The following L3MBTL4 variants were observed in gnomAD, a reference collection of about 807,000 sequenced individuals.
L3MBTL4 encodes the protein lethal(3)malignant brain tumor-like protein 4.
A neutral mutation model predicts 84.5 loss-of-function variants in L3MBTL4; 70 were observed. The ratio of observed to expected loss-of-function variants is 0.83; its 90% confidence interval spans 0.68 to 1.01. The LOEUF (loss-of-function observed/expected upper bound fraction) is 1.01. Ranked by LOEUF, L3MBTL4 falls within the 50% of genes least tolerant of loss-of-function variation. L3MBTL4 has a pLI of 0.00. For missense variants in L3MBTL4, 715 were observed against 754.8 expected (o/e 0.95, Z 0.62); for synonymous variants, 274 against 259.8 (o/e 1.05, Z -0.52).
intron 16 of L3MBTL4, among the ~76,000 whole-genome samples, chr18:5,973,363 A>C (rs566232037): frequency 3.9e-5 from 6 of 152,352 alleles, no homozygotes; most frequent in South Asian, 2.1e-4. Flanking sequence ...CAACCGTGTC[A>C]GATGCTAAAA....
In L3MBTL4 at chr18:6,414,760, G is replaced by T. The variant is rs1327949802; in HGVS notation, c.-91+41C>A. Reference sequence around the variant, plus strand: ...GGCGGCGGCCGTGGGCACCCACGCGGGCTCGCGACCATCCCACGCGGGCGG... The same window carrying T: ...GGCGGCGGCCGTGGGCACCCACGCGTGCTCGCGACCATCCCACGCGGGCGG... On this transcript the variant is annotated intron_variant, in intron 1 of 18. Transcript: ENST00000317931. This position sits in a 1 kb window ranked among gnomAD's most constrained non-coding sequence, Gnocchi z 5.4. 1.3e-5 allele frequency: 2 copies of T among 151,764 alleles called. No homozygotes were observed. Among genetic ancestry groups the T allele is most frequent in the African/African-American group, 4.8e-5 (2 of 41,368 alleles). The allele number at this position is 151,764 out of a possible 1,614,324, so 9.4% of individuals were successfully genotyped here.
At chr18:6,214,615 T>C (rs1027399445) in intron 11 of L3MBTL4, among the ~76,000 whole-genome samples, 1 of 152,222 alleles carries the variant, frequency 6.6e-6, no homozygotes, top group Non-Finnish European at 1.5e-5. Context: ...CCAGCTTTTG[T>C]AGAAACACAT....
At chr18:6,144,316 T>C (rs2042557831) in intron 13 of L3MBTL4, among the ~76,000 whole-genome samples, 1 of 150,466 alleles carries the variant, frequency 6.6e-6, no homozygotes, top group East Asian at 2.0e-4. Context: ...TTGTCTGAAA[T>C]CCCTCTCTGA....
chr18:5,956,322 T>C lies in L3MBTL4; in HGVS notation c.1743A>G (p.Lys581=). ...QTDIVKVMKI[K]LGPALKIYNS... is the part of the protein sequence containing the mutation. ...TGTAAATCTTCAGTGCTGGGCCCAG[T>C]TTGATCTTCATCACTTTGACAATGT... Residue 581 remains lysine, a synonymous_variant, in exon 19 of 19, where the codon AAA becomes AAG. Coordinates refer to ENST00000317931, the MANE Select transcript of L3MBTL4 (RefSeq NM_001330559.2). 6.2e-7 allele frequency: 1 copy of C among 1,614,162 alleles called. No homozygotes were observed. The highest frequency in any genetic ancestry group is 8.5e-7 in the Non-Finnish European group (1 of 1,180,018).
At chr18:6,290,993 A>T (rs894579974) in intron 4 of L3MBTL4, among the ~76,000 whole-genome samples, 1 of 152,198 alleles carries the variant, frequency 6.6e-6, no homozygotes, top group Non-Finnish European at 1.5e-5. Context: ...CTTGTGCCTG[A>T]TGTAGAGGCC....
chr18:6,131,789 C>A (rs2059885996), intron 14 of L3MBTL4, among the ~76,000 whole-genome samples: 1 of 152,104 alleles, frequency 6.6e-6, no homozygotes, highest in African/African-American at 2.4e-5. Context: ...AGATACTATC[C>A]AAGGTTGGTA....
Position 5,974,392 on chromosome 18 carries a change from C to G in L3MBTL4, c.1445-4830G>C, listed in dbSNP as rs574109171. Reference sequence around the variant, plus strand: ...GCACTCAGAGAGGAGTAACCCATCTCCAAAGAAAAGTCATTGCTTGCCCTT... The same window carrying G: ...GCACTCAGAGAGGAGTAACCCATCTGCAAAGAAAAGTCATTGCTTGCCCTT... On this transcript the variant is annotated intron_variant, in intron 16 of 18. Coordinates refer to ENST00000317931, the MANE Select transcript of L3MBTL4 (RefSeq NM_001330559.2). Among the ~76,000 whole-genome samples the G allele has an allele frequency of 2.0e-5, 3 of 151,218 alleles. No homozygotes were observed. In the South Asian group the frequency reaches 6.3e-4, roughly 32 times the overall value.
chr18:6,212,043 T>G (rs1167595200), intron 12 of L3MBTL4, among the ~76,000 whole-genome samples: 1 of 152,106 alleles, frequency 6.6e-6, no homozygotes. Context: ...GCCATAAGAG[T>G]AAACAGTAAA....
chr18:6,222,871 CT>C (rs1202169692), intron 10 of L3MBTL4, among the ~76,000 whole-genome samples: 1 of 150,988 alleles, frequency 6.6e-6, no homozygotes, highest in Non-Finnish European at 1.5e-5. Flanking sequence ...ATACAGTAAT[CT>C]TTTGTTTGGC....
intron 14 of L3MBTL4, among the ~76,000 whole-genome samples, chr18:6,110,724 G>A (rs1430417749): frequency 6.6e-6 from 1 of 152,108 alleles, no homozygotes; most frequent in African/African-American, 2.4e-5. Context: ...ACACATGTAT[G>A]TGTGGTTTCT....
At chr18:6,209,049 A>G (rs1415536096) in intron 12 of L3MBTL4, among the ~76,000 whole-genome samples, 1 of 152,184 alleles carries the variant, frequency 6.6e-6, no homozygotes, top group East Asian at 1.9e-4. Flanking sequence ...ATGATCTCCA[A>G]TTCCAATGGC....
At chr18:6,155,555 T>A (rs796927401) in intron 13 of L3MBTL4, among the ~76,000 whole-genome samples, 34 of 152,296 alleles carry the variant, frequency 2.2e-4, no homozygotes, top group African/African-American at 7.7e-4. Context: ...TATTCTGCCA[T>A]CCCCTCTAAT....
intron 1 of L3MBTL4, among the ~76,000 whole-genome samples, chr18:6,345,235 AAG>A (rs2052826495): frequency 7.6e-6 from 1 of 132,202 alleles, no homozygotes; most frequent in Non-Finnish European, 1.5e-5. Context: ...AAAAAAAAAA[AAG>A]AAAAAAAAAA....
rs1437332248 is a variant in L3MBTL4, at chr18:6,239,858, A to G, written c.567T>C (p.Ser189=). The G allele has an allele frequency of 1.9e-6, 3 of 1,614,170 alleles. No homozygotes were observed. Among genetic ancestry groups the G allele is most frequent in the Non-Finnish European group, 2.5e-6 (3 of 1,180,028 alleles). ...FRNRSPNGPM[S]KEFQVGMKLE... is the part of the protein sequence containing the mutation. ...GCTTCATTCCAACCTGAAATTCTTT[A>G]GACATTGGCCCATTCTAACGCAGCA... The change falls in exon 9 of 19, where the codon TCT becomes TCC. Residue 189 remains serine, a synonymous_variant. Transcript: ENST00000317931.
rs558168083 is a variant in L3MBTL4, at chr18:6,206,499, G to A, written c.981+6650C>T. Among the ~76,000 whole-genome samples the A allele has an allele frequency of 7.9e-5, 12 of 152,234 alleles. No individual in the cohort carries two copies. The South Asian group carries it at 2.5e-3, about 32-fold the overall frequency. ...AGGCTGGTAAGATGGGTACAGGGTG[G>A]GGGAGTTATCCAGGGAGTTCTAGAG... On this transcript the variant is annotated intron_variant, in intron 12 of 18. Coordinates refer to ENST00000317931, the MANE Select transcript of L3MBTL4 (RefSeq NM_001330559.2).
chr18:6,061,337 G>T (rs1299360982), intron 16 of L3MBTL4, among the ~76,000 whole-genome samples: 2 of 152,110 alleles, frequency 1.3e-5, no homozygotes, highest in East Asian at 1.9e-4. Flanking sequence ...AAATTGGATT[G>T]CTTTCTTACT....
At chr18:6,225,771 G>A (rs2145931049) in intron 10 of L3MBTL4, among the ~76,000 whole-genome samples, 1 of 148,704 alleles carries the variant, frequency 6.7e-6, no homozygotes, top group Non-Finnish European at 1.5e-5. Context: ...GGGGAACATA[G>A]GAACTACAGT....
chr18:5,993,447 A>G (rs1406418545), intron 16 of L3MBTL4, among the ~76,000 whole-genome samples: 1 of 152,228 alleles, frequency 6.6e-6, no homozygotes. Context: ...GACAGAGCAT[A>G]TGCCCACTAT....
intron 16 of L3MBTL4, among the ~76,000 whole-genome samples, chr18:6,042,064 T>C (rs2056426447): frequency 6.6e-6 from 1 of 152,090 alleles, no homozygotes; most frequent in African/African-American, 2.4e-5. Context: ...AATATTCCCA[T>C]ACAGGTTTCC....
Sources: allele counts gnomAD v4.1 joint callset (sites outside exome capture counted in the v4.1 genomes callset), GRCh38; gene constraint gnomAD v4.1.1; non-coding constraint Gnocchi (gnomAD v3.1); transcripts MANE v1.5; gene names NCBI Gene and HGNC (gene_info 2026-07-23, HGNC 2026-07-21).